FNDC3A: variants seen among roughly 807,000 people sequenced by gnomAD.
FNDC3A encodes fibronectin type III domain containing 3A.
In FNDC3A, 32 loss-of-function variants were observed where a neutral mutation model predicts 148.9. That is an observed-to-expected ratio of 0.21 (90% CI 0.16 to 0.29). The LOEUF (loss-of-function observed/expected upper bound fraction) is 0.29, where lower values mean the gene tolerates loss of function less well. Ranked by LOEUF, FNDC3A falls within the 10% of genes least tolerant of loss-of-function variation. FNDC3A has a pLI of 1.00. For missense variants in FNDC3A, 1,191 were observed against 1,452.8 expected (o/e 0.82, Z 2.93); for synonymous variants, 472 against 473.6 (o/e 1.00, Z 0.04).
chr13:49,206,861 C>T (rs1418101397), intron 25 of FNDC3A, among the ~76,000 whole-genome samples: 1 of 152,152 alleles, frequency 6.6e-6, no homozygotes, highest in African/African-American at 2.4e-5. Context: ...ATCTGTGAAC[C>T]GTATAAGGGT....
chr13:48,984,810 A>C (rs1951758627), intron 1 of FNDC3A, among the ~76,000 whole-genome samples: 1 of 151,834 alleles, frequency 6.6e-6, no homozygotes, highest in Non-Finnish European at 1.5e-5. Context: ...TCAGCCTCCC[A>C]AGTAGCTGGG....
At chr13:49,110,850 A>G (rs943208417) in intron 3 of FNDC3A, among the ~76,000 whole-genome samples, 1 of 152,250 alleles carries the variant, frequency 6.6e-6, no homozygotes, top group Non-Finnish European at 1.5e-5. Context: ...ACTAGTTGAA[A>G]TATCTTCTTT....
chr13:49,046,398 AC>A, intron 2 of FNDC3A: 1 of 191,800 alleles, frequency 5.2e-6, no homozygotes, highest in Non-Finnish European at 1.1e-5. Flanking sequence ...GTACTTGAAT[AC>A]CATGCTTCTT....
At chr13:49,080,368 T>G (rs954328352) in intron 3 of FNDC3A, among the ~76,000 whole-genome samples, 1 of 152,220 alleles carries the variant, frequency 6.6e-6, no homozygotes, top group Non-Finnish European at 1.5e-5. Context: ...TTTCCTGATA[T>G]GAACCCATAC....
At chr13:48,997,156 G>A (rs1215036052) in intron 1 of FNDC3A, among the ~76,000 whole-genome samples, 1 of 151,616 alleles carries the variant, frequency 6.6e-6, no homozygotes, top group Non-Finnish European at 1.5e-5. Flanking sequence ...TGTAATCCAA[G>A]ATGTAATCCT....
intron 5 of FNDC3A, among the ~76,000 whole-genome samples, chr13:49,133,873 T>C (rs1882177398): frequency 1.3e-5 from 2 of 152,200 alleles, no homozygotes; most frequent in East Asian, 1.9e-4. Flanking sequence ...TACTATAATA[T>C]ATTCTTTTTT....
intron 3 of FNDC3A, among the ~76,000 whole-genome samples, chr13:49,085,347 T>C (rs532879153): frequency 3.9e-5 from 6 of 152,372 alleles, no homozygotes; most frequent in African/African-American, 7.2e-5. Context: ...TGTCCTTCTC[T>C]CATGTTCTAG....
chr13:49,159,979 T>G (rs1027896634), intron 8 of FNDC3A, among the ~76,000 whole-genome samples: 2 of 152,232 alleles, frequency 1.3e-5, no homozygotes, highest in Non-Finnish European at 2.9e-5. Context: ...AACTTGATCA[T>G]GGTGGATAAG....
At chr13:49,030,758 CAG>C (rs1393118320) in intron 2 of FNDC3A, among the ~76,000 whole-genome samples, 1 of 151,688 alleles carries the variant, frequency 6.6e-6, no homozygotes, top group Non-Finnish European at 1.5e-5. Flanking sequence ...CTTTTTACAA[CAG>C]AATAAAAAAG....
In FNDC3A at chr13:49,207,439, A is replaced by T. The variant is rs1271776135; in HGVS notation, c.*44A>T. On this transcript the variant is annotated 3_prime_UTR_variant, in exon 26 of 26. Coordinates refer to ENST00000492622, the MANE Select transcript of FNDC3A (RefSeq NM_001079673.2). Reference sequence around the variant, plus strand: ...TAACTCTATTACATTTTATTTTGTCATGTACTAAAATTATTTCTGTATTGC... The same window carrying T: ...TAACTCTATTACATTTTATTTTGTCTTGTACTAAAATTATTTCTGTATTGC... 8.3e-7 allele frequency: 1 copy of T among 1,202,132 alleles called. No homozygotes were observed. The highest frequency in any genetic ancestry group is 1.2e-6 in the Non-Finnish European group (1 of 855,080). The allele number at this position is 1,202,132 out of a possible 1,614,324, so 74.5% of individuals were successfully genotyped here. A position where few individuals can be genotyped will look rare whatever the true frequency, so the allele number is the denominator to read the frequency against.
At chr13:49,109,410 T>C (rs1880405598) in intron 3 of FNDC3A, among the ~76,000 whole-genome samples, 2 of 152,238 alleles carry the variant, frequency 1.3e-5, no homozygotes, top group Non-Finnish European at 2.9e-5. Context: ...TTAAAATATA[T>C]CTTTTAATAC....
chr13:49,118,141 T>C lies in FNDC3A; in HGVS notation c.252+3410T>C, dbSNP rs995816064. On this transcript the variant is annotated intron_variant, in intron 4 of 25. Coordinates refer to ENST00000492622, the MANE Select transcript of FNDC3A (RefSeq NM_001079673.2). ...ACAAAAATCTAGTCTTATCGTTTTT[T>C]AGTTAATTTAAGTTTCCAGTATGTA... Among the ~76,000 whole-genome samples the C allele has an allele frequency of 2.6e-5, 4 of 152,290 alleles. No homozygotes were observed. In the South Asian group the frequency reaches 8.3e-4, roughly 32 times the overall value.
At chr13:49,080,255 T>C (rs971781310) in intron 3 of FNDC3A, among the ~76,000 whole-genome samples, 4 of 152,240 alleles carry the variant, frequency 2.6e-5, no homozygotes, top group African/African-American at 9.6e-5. Context: ...TTCTTTACCT[T>C]ATTTCATGTC....
At chr13:49,182,085 G>T (rs1338126851) in intron 14 of FNDC3A, among the ~76,000 whole-genome samples, 1 of 152,136 alleles carries the variant, frequency 6.6e-6, no homozygotes, top group East Asian at 1.9e-4. Flanking sequence ...GAGCTCAAGG[G>T]TTCCTTCCAC....
At chr13:49,011,240 C>CT (rs71186322) in intron 2 of FNDC3A, among the ~76,000 whole-genome samples, 59 of 148,920 alleles carry the variant, frequency 4.0e-4, no homozygotes, top group African/African-American at 9.9e-4. Flanking sequence ...TGATGTCTTT[C>CT]TTTTTTTTTT....
intron 16 of FNDC3A, 152 bp from the exon 17 acceptor site, chr13:49,188,363 G>T: frequency 1.6e-6 from 1 of 614,106 alleles, no homozygotes; most frequent in South Asian, 2.2e-5. Context: ...AAGAAAATTA[G>T]ATCATTTCCA....
chr13:48,989,078 A>C (rs1214027317), intron 1 of FNDC3A, among the ~76,000 whole-genome samples: 1 of 152,202 alleles, frequency 6.6e-6, no homozygotes, highest in Non-Finnish European at 1.5e-5. Context: ...CTCATAATTC[A>C]CAAGGCATTC....
rs147134763 is a variant in FNDC3A at position 49,111,043 on chromosome 13, T to G, written c.176-3612T>G. ...GATTATAAAGGAGCTGCTAAGTGTA[T>G]GCACAGTTGTTGTCAGGTATTGCTA... On this transcript the variant is annotated intron_variant, in intron 3 of 25. Coordinates refer to ENST00000492622, the MANE Select transcript of FNDC3A (RefSeq NM_001079673.2). Among the ~76,000 whole-genome samples, 34 of 152,330 alleles carry G rather than the reference T, an allele frequency of 2.2e-4. No homozygotes were observed. In the East Asian group the frequency reaches 6.2e-3, roughly 28 times the overall value.
intron 3 of FNDC3A, among the ~76,000 whole-genome samples, chr13:49,087,000 A>G (rs1878856683): frequency 6.6e-6 from 1 of 152,256 alleles, no homozygotes; most frequent in East Asian, 1.9e-4. Context: ...CCAGAGAGCT[A>G]TTAAATGTTA....
Sources: gnomAD v4.1 joint callset for allele counts (sites outside exome capture counted in the v4.1 genomes callset) on GRCh38, gnomAD v4.1.1 for gene constraint, MANE v1.5 for transcripts, NCBI Gene and HGNC (gene_info 2026-07-23, HGNC 2026-07-21) for gene names.